Variants in DIAPH1 observed in about 807,000 individuals in gnomAD.
DIAPH1 encodes the protein protein diaphanous homolog 1.
A neutral mutation model predicts 140.7 loss-of-function variants in DIAPH1; 46 were observed. That is an observed-to-expected ratio of 0.33 (90% CI 0.26 to 0.42). The LOEUF is 0.42. DIAPH1 is among the 10% of genes least tolerant of loss of function. The probability of loss-of-function intolerance (pLI) is 1.00; values close to 1 mark genes in which losing one functional copy is unlikely to be tolerated. For missense variants in DIAPH1, 1,310 were observed against 1,558.7 expected (o/e 0.84, Z 2.69); for synonymous variants, 565 against 551.6 (o/e 1.02, Z -0.34).
At chr5:141,574,813 A>G (rs1301718232) in intron 15 of DIAPH1, among the ~76,000 whole-genome samples, 154 bp downstream of exon 15, 2 of 152,146 alleles carry the variant, frequency 1.3e-5, no homozygotes. Flanking sequence ...AACACAAACC[A>G]AAAACCAGTA....
At chr5:141,579,219 A>G (rs772137628) in intron 8 of DIAPH1, 23 bp from the exon 9 acceptor site, 36 of 1,588,180 alleles carry the variant, frequency 2.3e-5, no homozygotes, top group Non-Finnish European at 3.1e-5. Flanking sequence ...AAGGAAACGG[A>G]GAGAACTTTC....
chr5:141,538,535 T>C (rs1019143483), intron 18 of DIAPH1, among the ~76,000 whole-genome samples: 4 of 151,888 alleles, frequency 2.6e-5, no homozygotes, highest in Admixed American at 2.6e-4. Flanking sequence ...TGGGTTCAGG[T>C]GATTCTCCTG....
At position 141,526,319 on chromosome 5, in the gene DIAPH1, T is replaced by C. The variant is rs1296519819; in HGVS notation, c.3416A>G (p.His1139Arg). The C allele has an allele frequency of 1.2e-6, 2 of 1,614,192 alleles. No individual in the cohort carries two copies. Among genetic ancestry groups the C allele is most frequent in the Admixed American group, 1.7e-5 (1 of 60,014 alleles). The change falls in exon 25 of 28, where the codon CAC becomes CGC. Residue 1139 changes from histidine (H) to arginine (R), a missense_variant. His to Arg is a conservative substitution (Grantham distance 29). Around this residue, in one of 3 missense-constraint regions of DIAPH1, gnomAD observed 344 missense variants for 512.2 expected, o/e 0.67. Transcript: ENST00000389054. ...CACCAAAAACATATTCCGAAAATTGTGAAGATCCATGAAAAATTCTTCAAC... is the reference window on the plus strand; with the variant it reads ...CACCAAAAACATATTCCGAAAATTGCGAAGATCCATGAAAAATTCTTCAAC... ...LSVEEFFMDL[H>R]NFRNMFLQAV...
chr5:141,524,149 G>A lies in DIAPH1; in HGVS notation c.3655C>T (p.Arg1219Cys), dbSNP rs373270436. Residue 1219 changes from arginine (R) to cysteine (C), a missense_variant, in exon 27 of 28, where the codon CGT becomes TGT. This residue lies in a region of DIAPH1 where 344 missense variants were observed against 512.2 expected (regional missense o/e 0.67). Coordinates refer to ENST00000389054, the MANE Select transcript of DIAPH1 (RefSeq NM_005219.5). ...GCTCCATGTGCTTACTTACCTTGACGGGGCCCTCTCTTCCGTCGGAATGCT... is the reference window on the plus strand; with the variant it reads ...GCTCCATGTGCTTACTTACCTTGACAGGGCCCTCTCTTCCGTCGGAATGCT... ...GAAFRRKRGP[R>C]QANRKAGCAV... 34 of 1,613,864 alleles carry A rather than the reference G, an allele frequency of 2.1e-5. 1 individual carries two copies. The highest frequency in any genetic ancestry group is 1.6e-4 in the Middle Eastern group (1 of 6,066).
rs1596384354 is a variant in DIAPH1 at position 141,578,991 on chromosome 5, G to A, written c.933+97C>T. 5.6e-6 allele frequency: 5 copies of A among 895,048 alleles called. No homozygotes were observed. In the East Asian group the frequency reaches 1.2e-4, roughly 21 times the overall value. 55.4% of individuals were successfully genotyped at this position (895,048 alleles called of 1,614,324 possible). A position where few individuals can be genotyped will look rare whatever the true frequency, so the allele number is the denominator to read the frequency against. ...ATTCTGAAATGTAAAATATATAGTT[G>A]GGAGGCACTCCATGTATTTTATTAA... is the stretch of plus-strand genomic sequence containing the variant. On this transcript the variant is annotated intron_variant, in intron 9 of 27. Coordinates refer to ENST00000389054, the MANE Select transcript of DIAPH1 (RefSeq NM_005219.5).
intron 21 of DIAPH1, 38 bp downstream of exon 21, chr5:141,529,134 G>A: frequency 6.3e-7 from 1 of 1,586,820 alleles, no homozygotes; most frequent in Non-Finnish European, 8.7e-7. Context: ...GGGAATACAG[G>A]AGGTGGAAAA....
Position 141,577,685 on chromosome 5 carries a change from G to A in DIAPH1, c.1164-94C>T, listed in dbSNP as rs536109932. The A allele has an allele frequency of 2.8e-5, 23 of 810,414 alleles. No individual in the cohort carries two copies. The East Asian group carries it at 5.3e-4, about 19-fold the overall frequency. The allele number at this position is 810,414 out of a possible 1,614,324, so 50.2% of individuals were successfully genotyped here. A position where few individuals can be genotyped will look rare whatever the true frequency, so the allele number is the denominator to read the frequency against. On this transcript the variant is annotated intron_variant, in intron 11 of 27. Transcript: ENST00000389054. ...CTCTTGAAAAAGCTAGGGAAAAGTA[G>A]CAAGACACCACTTCCATTCTACTGG... is the stretch of plus-strand genomic sequence containing the variant.
At chr5:141,526,687 T>C (rs539879932) in intron 24 of DIAPH1, among the ~76,000 whole-genome samples, 1 of 149,070 alleles carries the variant, frequency 6.7e-6, no homozygotes, top group African/African-American at 2.5e-5. Context: ...TAAACTGTTG[T>C]TTGTTTGTTT....
chr5:141,576,111 C>A (rs1355484407), intron 14 of DIAPH1, 119 bp downstream of exon 14: 2 of 844,746 alleles, frequency 2.4e-6, no homozygotes, highest in Admixed American at 1.8e-5. Flanking sequence ...GGGAACTACA[C>A]TATTGGGTGC....
intron 2 of DIAPH1, 121 bp from the exon 3 acceptor site, chr5:141,587,318 T>C: frequency 2.1e-6 from 2 of 954,152 alleles, no homozygotes; most frequent in South Asian, 1.4e-5. Context: ...CACAAGCAGT[T>C]CAAGACTCTT....
At chr5:141,596,516 A>G (rs528623774) in intron 1 of DIAPH1, among the ~76,000 whole-genome samples, 114 of 152,260 alleles carry the variant, frequency 7.5e-4, no homozygotes, top group African/African-American at 2.3e-3. Flanking sequence ...ATAAAAATTT[A>G]GCGTCTCAGT....
Position 141,574,163 on chromosome 5 carries a change from C to G in DIAPH1, c.1687G>C (p.Ala563Pro), listed in dbSNP as rs1160177644. Residue 563 changes from alanine (A) to proline (P), a missense_variant, in exon 16 of 28, where the codon GCT becomes CCT. Coordinates refer to ENST00000389054, the MANE Select transcript of DIAPH1 (RefSeq NM_005219.5). ...KELEDAKKEM[A>P]SLSAAAITVP... ...GTAATAGCTGCCGCAGAGAGGGAAG[C>G]CATTTCTTTCTTGGCATCTTCCAGT... 6.2e-7 allele frequency: 1 copy of G among 1,614,088 alleles called. No homozygotes were observed.
At chr5:141,580,491 C>T (rs1407348488) in intron 8 of DIAPH1, among the ~76,000 whole-genome samples, 1 of 151,746 alleles carries the variant, frequency 6.6e-6, no homozygotes, top group Non-Finnish European at 1.5e-5. Context: ...TCATCCTAGA[C>T]AATACAGATA....
At chr5:141,616,572 T>G (rs567205456) in intron 1 of DIAPH1, among the ~76,000 whole-genome samples, 46 of 152,178 alleles carry the variant, frequency 3.0e-4, no homozygotes, top group African/African-American at 1.1e-3. Flanking sequence ...CAAAGAGAAG[T>G]GGATTGCAAT....
intron 26 of DIAPH1, 32 bp from the exon 27 acceptor site, chr5:141,524,261 T>C: frequency 6.3e-7 from 1 of 1,593,950 alleles, no homozygotes; most frequent in Non-Finnish European, 8.6e-7. Flanking sequence ...AGATGTGAAC[T>C]CTTCAGCCAG....
chr5:141,618,253 G>C (rs537585002), intron 1 of DIAPH1, among the ~76,000 whole-genome samples: 1 of 152,336 alleles, frequency 6.6e-6, no homozygotes, highest in East Asian at 1.9e-4. Flanking sequence ...GCTCAAGTCA[G>C]GTAACATTCC....
chr5:141,521,028 G>A (rs2099886453), intron 27 of DIAPH1, among the ~76,000 whole-genome samples: 1 of 152,216 alleles, frequency 6.6e-6, no homozygotes, highest in Admixed American at 6.5e-5. Flanking sequence ...AGCCTCCTGA[G>A]TAGCTGGGAC....
chr5:141,600,159 C>A (rs775279316), intron 1 of DIAPH1, among the ~76,000 whole-genome samples: 2 of 152,168 alleles, frequency 1.3e-5, no homozygotes, highest in Admixed American at 6.5e-5. Flanking sequence ...TGGAGGGGGC[C>A]AAAAGGCAGA....
In DIAPH1 at chr5:141,526,465, C is replaced by A; in HGVS notation, c.3274-4G>T. 6.2e-7 allele frequency: 1 copy of A among 1,614,058 alleles called. No individual in the cohort carries two copies. The highest frequency in any genetic ancestry group is 8.5e-7 in the Non-Finnish European group (1 of 1,180,002). ...CCTGTGCATCCTTCACAAAGCTGTG[C>A]AGCCAAGGAGTAAAGGACCAAGACC... On this transcript the variant is annotated splice_region_variant and splice_polypyrimidine_tract_variant and intron_variant, in intron 24 of 27. Coordinates refer to ENST00000389054, the MANE Select transcript of DIAPH1 (RefSeq NM_005219.5).
Sources: gnomAD v4.1 joint callset for allele counts (sites outside exome capture counted in the v4.1 genomes callset) on GRCh38, gnomAD v4.1.1 for gene constraint, gnomAD v4.1.1 regional missense constraint, MANE v1.5 for transcripts, NCBI Gene and HGNC (gene_info 2026-07-23, HGNC 2026-07-21) for gene names.